The following CENPE variants were observed in gnomAD, a reference collection of about 807,000 sequenced individuals.
CENPE encodes the protein centromere-associated protein E.
Under a neutral mutation model 336.1 loss-of-function variants are expected in CENPE, and 145 were observed. The ratio of observed to expected loss-of-function variants is 0.43; its 90% CI spans 0.38 to 0.50. The LOEUF is 0.50. CENPE is among the 20% of genes least tolerant of loss of function. The pLI, the probability that CENPE is intolerant of heterozygous loss-of-function variation, is 0.00. For synonymous variants in CENPE, 1,013 were observed against 984.8 expected (o/e 1.03, Z -0.54); for missense variants, 2,719 against 3,023.3 (o/e 0.90, Z 2.36).
rs1359148795 is a variant in CENPE, at chr4:103,145,878, T to G, written c.4364A>C (p.Gln1455Pro). 1 of 1,613,354 alleles carries G rather than the reference T, an allele frequency of 6.2e-7. No individual in the cohort carries two copies. The highest frequency in any genetic ancestry group is 8.5e-7 in the Non-Finnish European group (1 of 1,179,826). Residue 1455 changes from glutamine to proline, a missense_variant, in exon 30 of 49, where the codon CAA (glutamine) becomes CCA (proline). Around this residue, in one of 5 missense-constraint regions of CENPE, gnomAD observed 2,437 missense variants for 2,513.3 expected, o/e 0.97. Transcript: ENST00000265148. ...DDLQRLQEVL[Q>P]SESDQLKENI... The stretch of plus-strand genomic sequence containing the variant: ...TTCTTTGAGCTGGTCACTTTCAGAT[T>G]GAAGAACTTCTTGCAGCCTCTGTAG...
At position 103,146,000 on chromosome 4, in the gene CENPE, T is replaced by C; in HGVS notation, c.4242A>G (p.Ser1414=). Residue 1414 remains serine, a synonymous_variant, in exon 30 of 49, where the codon TCA becomes TCG. Transcript: ENST00000265148. ...TTTCTATTTCTATCCTTAGTAGTGC[T>C]GAATCTTTGGGTTTGAATTGCTCCA... ...SEMEQFKPKD[S]ALLRIEIEML... The C allele has an allele frequency of 6.2e-7, 1 of 1,613,974 alleles. No individual in the cohort carries two copies. The highest frequency in any genetic ancestry group is 1.1e-5 in the South Asian group (1 of 91,078).
chr4:103,151,385 G>GAA lies in CENPE; in HGVS notation c.3238-10_3238-9dup. 2.6e-6 allele frequency: 4 copies of GAA among 1,520,944 alleles called. No homozygotes were observed. The highest frequency in any genetic ancestry group is 2.5e-5 in the Admixed American group (1 of 40,432). The allele number at this position is 1,520,944 out of a possible 1,614,324, so 94.2% of individuals were successfully genotyped here. On this transcript the variant is annotated splice_polypyrimidine_tract_variant and intron_variant, in intron 25 of 48. Coordinates refer to ENST00000265148, the MANE Select transcript of CENPE (RefSeq NM_001813.3). ...TTCCTGGTTTTCAATGGTCTAGAAAGAAAAAAAAAGTTGAGATTAAAGTAA... is the reference window on the plus strand; with the variant it reads ...TTCCTGGTTTTCAATGGTCTAGAAAGAAAAAAAAAAAGTTGAGATTAAAGTAA...
At chr4:103,110,283 T>G (rs2711896) in intron 47 of CENPE, among the ~76,000 whole-genome samples, 24,604 of 152,126 alleles carry the variant, frequency 0.16, 2,355 homozygotes, top group Non-Finnish European at 0.2. Context: ...ACGTTGGATC[T>G]CTCTCTTTCA....
Position 103,194,703 on chromosome 4 carries a change from T to C in CENPE, c.478-19A>G, listed in dbSNP as rs1226267691. ...CATTCCTCTGAAACAAGTTTAATTA[T>C]GGAAAGATTAGAGAAATAGAAGTCA... On this transcript the variant is annotated intron_variant, in intron 5 of 48. Coordinates refer to ENST00000265148, the MANE Select transcript of CENPE (RefSeq NM_001813.3). 4.5e-6 allele frequency: 7 copies of C among 1,569,046 alleles called. No homozygotes were observed. Among genetic ancestry groups the C allele is most frequent in the Non-Finnish European group, 3.5e-6 (4 of 1,152,956 alleles).
At position 103,186,767 on chromosome 4, in the gene CENPE, T is replaced by TA. The variant is rs150071221; in HGVS notation, c.694-907dup. 4.6e-3 allele frequency among the ~76,000 whole-genome samples: 704 copies of TA among 152,304 alleles called. 9 individuals are homozygous for TA. Among genetic ancestry groups the TA allele is most frequent in the African/African-American group, 0.017 (688 of 41,570 alleles). On this transcript the variant is annotated intron_variant, in intron 8 of 48. Coordinates refer to ENST00000265148, the MANE Select transcript of CENPE (RefSeq NM_001813.3). ...TAAATAGAGCTGGAAAAGGGGCCAG[T>TA]AGCTTTAGGTTCATAGGACTGGATA... is the stretch of plus-strand genomic sequence containing the variant.
Position 103,194,362 on chromosome 4 carries a change from A to G in CENPE, c.627+12T>C, listed in dbSNP as rs1413781571. 2 of 1,607,054 alleles carry G rather than the reference A, an allele frequency of 1.2e-6. No homozygotes were observed. The highest frequency in any genetic ancestry group is 1.7e-6 in the Non-Finnish European group (2 of 1,174,742). ...ACTTGGAAAGATCTAACAGATAGAT[A>G]GAATTACCTACCATCCTAAAGATGG... On this transcript the variant is annotated intron_variant, in intron 7 of 48. Coordinates refer to ENST00000265148, the MANE Select transcript of CENPE (RefSeq NM_001813.3).
At chr4:103,189,716 C>T (rs1408766253) in intron 8 of CENPE, among the ~76,000 whole-genome samples, 1 of 152,152 alleles carries the variant, frequency 6.6e-6, no homozygotes, top group Non-Finnish European at 1.5e-5. Context: ...GAAGCATTCC[C>T]TTTAAAAACT....
chr4:103,112,504 A>G (rs983736292), intron 46 of CENPE, among the ~76,000 whole-genome samples: 4 of 144,476 alleles, frequency 2.8e-5, no homozygotes, highest in East Asian at 4.0e-4. Flanking sequence ...TTATGTATAC[A>G]TGTATATATA....
chr4:103,124,704 A>C (rs1046849188), intron 42 of CENPE, among the ~76,000 whole-genome samples: 3 of 152,120 alleles, frequency 2.0e-5, no homozygotes, highest in African/African-American at 7.2e-5. Context: ...TTTACTTCCT[A>C]ATTCCTGCAG....
At chr4:103,169,239 G>T (rs1755185830) in intron 16 of CENPE, among the ~76,000 whole-genome samples, 2 of 147,298 alleles carry the variant, frequency 1.4e-5, no homozygotes, top group Non-Finnish European at 3.0e-5. Flanking sequence ...AAAATATAGA[G>T]TCAGGAGGCA....
At position 103,182,904 on chromosome 4, in the gene CENPE, T is replaced by C. The variant is rs1172735290; in HGVS notation, c.834-13A>G. On this transcript the variant is annotated splice_polypyrimidine_tract_variant and intron_variant, in intron 10 of 48. Transcript: ENST00000265148. ...ATTTATGAAACCACTTAGCAAGGAATAAGTTTACAGGAGAAAAAGATTGAG... is the reference window on the plus strand; with the variant it reads ...ATTTATGAAACCACTTAGCAAGGAACAAGTTTACAGGAGAAAAAGATTGAG... 1 of 1,609,478 alleles carries C rather than the reference T, an allele frequency of 6.2e-7. No individual in the cohort carries two copies. Among genetic ancestry groups the C allele is most frequent in the Non-Finnish European group, 8.5e-7 (1 of 1,177,694 alleles).
chr4:103,140,138 G>A (rs1752415938), intron 37 of CENPE, 59 bp from the exon 38 acceptor site: 5 of 1,447,344 alleles, frequency 3.5e-6, no homozygotes, highest in Non-Finnish European at 4.7e-6. Context: ...AAGGCAAATA[G>A]TGTCTACTTG....
At chr4:103,177,892 C>T (rs1209574840) in intron 13 of CENPE, among the ~76,000 whole-genome samples, 1 of 152,016 alleles carries the variant, frequency 6.6e-6, no homozygotes, top group Admixed American at 6.6e-5. Flanking sequence ...CAAAGCCACA[C>T]CTGGACCTTG....
At chr4:103,119,220 A>G (rs182325319) in intron 44 of CENPE, among the ~76,000 whole-genome samples, 230 of 152,210 alleles carry the variant, frequency 1.5e-3, no homozygotes, top group African/African-American at 5.3e-3. Context: ...TACATTTTTA[A>G]TTAATATTCT....
intron 42 of CENPE, among the ~76,000 whole-genome samples, chr4:103,127,141 A>C (rs186745023): frequency 1.9e-4 from 29 of 151,368 alleles, no homozygotes; most frequent in East Asian, 1.2e-3. Flanking sequence ...AAAAACCCCC[A>C]AAAACAAAAA....
chr4:103,134,278 T>C (rs565865783), intron 40 of CENPE, among the ~76,000 whole-genome samples: 1 of 152,280 alleles, frequency 6.6e-6, no homozygotes, highest in African/African-American at 2.4e-5. Context: ...TGAGACTCAT[T>C]TTCAACATCC....
chr4:103,164,182 T>G (rs1754717695), intron 16 of CENPE, among the ~76,000 whole-genome samples: 1 of 152,120 alleles, frequency 6.6e-6, no homozygotes, highest in Middle Eastern at 3.2e-3. Flanking sequence ...TTCAACCATG[T>G]AAAAGTATAA....
intron 12 of CENPE, 109 bp downstream of exon 12, chr4:103,181,228 A>C: frequency 1.4e-6 from 1 of 699,174 alleles, no homozygotes; most frequent in Non-Finnish European, 2.1e-6. Context: ...TTAAAAACCT[A>C]AGTTGTAGCA....
rs1491111366 is a variant in CENPE at position 103,127,112 on chromosome 4, ACC to A, written c.6925-4025_6925-4024del. Among the ~76,000 whole-genome samples, 345 of 148,112 alleles carry A rather than the reference ACC, an allele frequency of 2.3e-3. 2 individuals are homozygous for A. Among genetic ancestry groups the A allele is most frequent in the Non-Finnish European group, 3.6e-3 (240 of 66,890 alleles). ...GGGACAAATATAAAAAAAAAAAAAA[ACC>A]AAAAAAACCCCCGAAAAAAAACCCC... On this transcript the variant is annotated intron_variant, in intron 42 of 48. Coordinates refer to ENST00000265148, the MANE Select transcript of CENPE (RefSeq NM_001813.3).
Sources: gnomAD v4.1 joint callset for allele counts (sites outside exome capture counted in the v4.1 genomes callset) on GRCh38, gnomAD v4.1.1 for gene constraint, gnomAD v4.1.1 regional missense constraint, MANE v1.5 for transcripts, NCBI Gene and HGNC (gene_info 2026-07-23, HGNC 2026-07-21) for gene names.